The following DCC variants were observed in gnomAD, a reference collection of about 807,000 sequenced individuals.
DCC encodes the protein DCC netrin 1 receptor.
Under a neutral mutation model 172.5 loss-of-function variants are expected in DCC, and 58 were observed. The observed-to-expected ratio is 0.34, with a 90% CI of 0.27 to 0.42. The LOEUF is 0.42. Among genes scored for constraint, DCC ranks in the 10% least tolerant of loss-of-function variants. The pLI, the probability that DCC is intolerant of heterozygous loss-of-function variation, is 1.00. For synonymous variants in DCC, 709 were observed against 644.5 expected (o/e 1.10, Z -1.52); for missense variants, 1,740 against 1,791.0 (o/e 0.97, Z 0.51).
chr18:53,090,694 CCAACAAAAAAAAAAAAA>C (rs2042990400), intron 7 of DCC, among the ~76,000 whole-genome samples: 2 of 18,366 alleles, frequency 1.1e-4, no homozygotes, highest in African/African-American at 1.4e-4. Flanking sequence ...ACTCCGTCCC[CCAACAAAAAAAAAAAAA>C]AAAAAAAAAA....
chr18:52,821,972 G>A (rs1201048010), intron 2 of DCC, among the ~76,000 whole-genome samples: 1 of 152,162 alleles, frequency 6.6e-6, no homozygotes, highest in Non-Finnish European at 1.5e-5. Flanking sequence ...GGAGTCAGAT[G>A]TTTCTTACCT....
chr18:53,000,143 TCTA>T (rs541463879), intron 5 of DCC, among the ~76,000 whole-genome samples: 4 of 152,154 alleles, frequency 2.6e-5, no homozygotes, highest in Admixed American at 2.6e-4. Context: ...AGACAAGAAG[TCTA>T]CTATTTTAAG....
chr18:52,356,010 A>G (rs1984346616), intron 1 of DCC, among the ~76,000 whole-genome samples: 1 of 152,198 alleles, frequency 6.6e-6, no homozygotes, highest in South Asian at 2.1e-4. Context: ...TTCTTAGTCC[A>G]GGCACCAGAT....
intron 5 of DCC, among the ~76,000 whole-genome samples, chr18:52,959,333 A>G (rs1193525358): frequency 6.6e-6 from 1 of 152,154 alleles, no homozygotes; most frequent in East Asian, 1.9e-4. Flanking sequence ...AAAATTGTTC[A>G]TGTTAACTCA....
At chr18:52,895,548 G>GA (rs2039716155) in intron 2 of DCC, among the ~76,000 whole-genome samples, 1 of 151,714 alleles carries the variant, frequency 6.6e-6, no homozygotes, top group African/African-American at 2.4e-5. Context: ...GCTTGTTTTA[G>GA]AAAAAAATGA....
intron 2 of DCC, among the ~76,000 whole-genome samples, chr18:52,812,778 T>C (rs1216306436): frequency 6.6e-6 from 1 of 152,222 alleles, no homozygotes; most frequent in Non-Finnish European, 1.5e-5. Context: ...CTGCTCATTG[T>C]GCCCAAAGGC....
At chr18:53,432,380 G>A (rs1911673220) in intron 21 of DCC, among the ~76,000 whole-genome samples, 1 of 152,084 alleles carries the variant, frequency 6.6e-6, no homozygotes, top group Non-Finnish European at 1.5e-5. Context: ...CTAGGACTAT[G>A]CGTTGCATGT....
At chr18:53,276,099 A>G (rs374920308) in intron 12 of DCC, among the ~76,000 whole-genome samples, 310 of 152,302 alleles carry the variant, frequency 2.0e-3, no homozygotes, top group African/African-American at 7.1e-3. Flanking sequence ...TATGTTTGCT[A>G]GGATAGTTAT....
At chr18:52,618,217 T>G (rs2034419582) in intron 1 of DCC, among the ~76,000 whole-genome samples, 2 of 152,038 alleles carry the variant, frequency 1.3e-5, no homozygotes, top group African/African-American at 4.8e-5. Flanking sequence ...AAAAAAAAAC[T>G]TATTCATAAA....
intron 15 of DCC, among the ~76,000 whole-genome samples, chr18:53,372,494 A>C (rs915041801): frequency 2.6e-5 from 4 of 152,040 alleles, no homozygotes; most frequent in African/African-American, 9.7e-5. Context: ...GATTAGAAAA[A>C]ATACCCATTG....
At chr18:52,597,551 C>T (rs1270724539) in intron 1 of DCC, among the ~76,000 whole-genome samples, 3 of 152,180 alleles carry the variant, frequency 2.0e-5, no homozygotes, top group African/African-American at 7.2e-5. Flanking sequence ...GCTGCCAAAA[C>T]TGGTCTAGAA....
chr18:53,327,973 G>A (rs941990471), intron 14 of DCC, among the ~76,000 whole-genome samples: 1 of 152,168 alleles, frequency 6.6e-6, no homozygotes, highest in Non-Finnish European at 1.5e-5. Flanking sequence ...ATTCCACTGT[G>A]AAATTTAAGA....
intron 5 of DCC, among the ~76,000 whole-genome samples, chr18:53,020,452 GTC>G (rs986101283): frequency 5.3e-5 from 8 of 152,074 alleles, no homozygotes; most frequent in South Asian, 2.1e-4. Flanking sequence ...CACTGTTCAA[GTC>G]TCTGAGTGTT....
chr18:53,045,428 G>T (rs1188975569), intron 5 of DCC, among the ~76,000 whole-genome samples: 1 of 151,742 alleles, frequency 6.6e-6, no homozygotes, highest in African/African-American at 2.4e-5. Context: ...TTAGTCACAG[G>T]AGAAGATGTT....
At chr18:53,454,030 C>T (rs1211087227) in intron 23 of DCC, among the ~76,000 whole-genome samples, 1 of 152,102 alleles carries the variant, frequency 6.6e-6, no homozygotes, top group East Asian at 1.9e-4. Context: ...GTGAGATTAT[C>T]GTATGACATC....
intron 7 of DCC, among the ~76,000 whole-genome samples, chr18:53,105,884 C>T (rs2043239235): frequency 6.6e-6 from 1 of 151,454 alleles, no homozygotes; most frequent in Non-Finnish European, 1.5e-5. Flanking sequence ...TTTTGAATGT[C>T]CTCTTTAGTA....
intron 5 of DCC, among the ~76,000 whole-genome samples, chr18:52,927,459 T>A (rs1251294024): frequency 6.6e-6 from 1 of 151,944 alleles, no homozygotes; most frequent in Non-Finnish European, 1.5e-5. Context: ...ACTTTTGGTA[T>A]CTTGGCATGT....
chr18:52,850,803 A>G (rs956356764), intron 2 of DCC, among the ~76,000 whole-genome samples: 1 of 152,058 alleles, frequency 6.6e-6, no homozygotes, highest in Non-Finnish European at 1.5e-5. Context: ...GAAAATGTAA[A>G]ATCATATTTA....
chr18:53,099,591 C>T (rs899937987), intron 7 of DCC, among the ~76,000 whole-genome samples: 1 of 152,000 alleles, frequency 6.6e-6, no homozygotes, highest in African/African-American at 2.4e-5. Context: ...ATTAACTTGC[C>T]CAGTTCTTTA....
Sources: gnomAD v4.1 joint callset for allele counts (sites outside exome capture counted in the v4.1 genomes callset) on GRCh38, gnomAD v4.1.1 for gene constraint, MANE v1.5 for transcripts, NCBI Gene and HGNC (gene_info 2026-07-23, HGNC 2026-07-21) for gene names.